KAZN: variants seen among roughly 807,000 people sequenced by gnomAD.
The protein encoded by KAZN is kazrin.
A neutral mutation model predicts 87.4 loss-of-function variants in KAZN; 40 were observed. The ratio of observed to expected loss-of-function variants is 0.46; its 90% confidence interval spans 0.36 to 0.60. The LOEUF (loss-of-function observed/expected upper bound fraction) is 0.60, where lower values mean the gene tolerates loss of function less well. Ranked by LOEUF, KAZN falls within the 20% of genes least tolerant of loss-of-function variation. KAZN has a pLI of 0.00. For missense variants in KAZN, 898 were observed against 1,073.9 expected (o/e 0.84, Z 2.29); for synonymous variants, 466 against 458.3 (o/e 1.02, Z -0.22).
rs370755082 is a variant in KAZN, at chr1:14,078,582, G to A, written c.92-101853G>A. Among the ~76,000 whole-genome samples, 22 of 152,306 alleles carry A rather than the reference G, an allele frequency of 1.4e-4. No homozygotes were observed. The East Asian group carries it at 2.7e-3, about 19-fold the overall frequency. ...CTGGGAAGTCCAGAGTTGGAACACCGGCAGATTGAGTGTCTGGTGAGGGCC... is the reference window on the plus strand; with the variant it reads ...CTGGGAAGTCCAGAGTTGGAACACCAGCAGATTGAGTGTCTGGTGAGGGCC... On this transcript the variant is annotated intron_variant, in intron 1 of 16. Transcript: ENST00000636203.
At chr1:14,419,105 A>C (rs1384998976) in intron 2 of KAZN, among the ~76,000 whole-genome samples, 2 of 152,212 alleles carry the variant, frequency 1.3e-5, no homozygotes, top group South Asian at 2.1e-4. Flanking sequence ...GAAAAAGTTT[A>C]TCTCTTGGTA....
At position 15,114,979 on chromosome 1, in the gene KAZN, C is replaced by T. The variant is rs889243497; in HGVS notation, c.*344C>T. 2.2e-5 allele frequency: 4 copies of T among 178,652 alleles called. No individual in the cohort carries two copies. Among genetic ancestry groups the T allele is most frequent in the Non-Finnish European group, 4.7e-5 (4 of 85,304 alleles). 11.1% of individuals were successfully genotyped at this position (178,652 alleles called of 1,614,324 possible). ...GCCAAGCAGTCCCTGGAGCCTTAAA[C>T]GGAGCTGCCAAGGTGGGAGGAGGCC... On this transcript the variant is annotated 3_prime_UTR_variant, in exon 15 of 15. Transcript: ENST00000376030.
chr1:14,006,228 T>C (rs890040685), intron 1 of KAZN, among the ~76,000 whole-genome samples: 1 of 152,226 alleles, frequency 6.6e-6, no homozygotes, highest in Non-Finnish European at 1.5e-5. Context: ...TTTGCATTGC[T>C]ATAAAGGAAT....
chr1:14,578,477 G>A (rs1675330664), intron 2 of KAZN, among the ~76,000 whole-genome samples: 1 of 152,124 alleles, frequency 6.6e-6, no homozygotes, highest in Non-Finnish European at 1.5e-5. Context: ...AAGATAAAAA[G>A]CAATCAGAAA....
intron 1 of KAZN, among the ~76,000 whole-genome samples, chr1:14,628,447 G>A (rs1266722828): frequency 6.6e-6 from 1 of 152,160 alleles, no homozygotes; most frequent in Non-Finnish European, 1.5e-5. Context: ...CATTAAATGT[G>A]AATTACACTG....
chr1:14,553,888 G>A (rs193000755), intron 2 of KAZN, among the ~76,000 whole-genome samples: 5 of 152,298 alleles, frequency 3.3e-5, no homozygotes, highest in East Asian at 1.9e-4. Flanking sequence ...GTCCAGCGTA[G>A]GTTCCGGGCA....
At chr1:14,779,130 G>T (rs559394081) in intron 1 of KAZN, among the ~76,000 whole-genome samples, 1 of 152,222 alleles carries the variant, frequency 6.6e-6, no homozygotes, top group East Asian at 1.9e-4. Context: ...GCGAGACAGG[G>T]CCCACCCAAA....
intron 13 of KAZN, among the ~76,000 whole-genome samples, chr1:15,111,103 G>A (rs2100749457): frequency 6.6e-6 from 1 of 152,300 alleles, no homozygotes; most frequent in Admixed American, 6.5e-5. Flanking sequence ...CCTGTTATGT[G>A]GAAGCCTGTG....
intron 1 of KAZN, among the ~76,000 whole-genome samples, chr1:14,115,102 G>A (rs942722668): frequency 6.6e-6 from 1 of 152,222 alleles, no homozygotes; most frequent in Admixed American, 6.5e-5. Flanking sequence ...ATCTTCCACA[G>A]TGCTGGAGGC....
intron 2 of KAZN, among the ~76,000 whole-genome samples, chr1:14,452,380 C>T (rs1222798802): frequency 6.6e-6 from 1 of 152,200 alleles, no homozygotes; most frequent in African/African-American, 2.4e-5. Flanking sequence ...CATCTCATTA[C>T]ACATCTAGTC....
chr1:14,130,141 C>T (rs1287607488), intron 1 of KAZN, among the ~76,000 whole-genome samples: 1 of 152,206 alleles, frequency 6.6e-6, no homozygotes, highest in Non-Finnish European at 1.5e-5. Context: ...TTAAAACCTT[C>T]TTTCCTTGGG....
At chr1:14,672,917 G>A (rs184124269) in intron 1 of KAZN, among the ~76,000 whole-genome samples, 110 of 152,308 alleles carry the variant, frequency 7.2e-4, no homozygotes, top group Middle Eastern at 3.4e-3. Context: ...TGAGCCACAA[G>A]CTTCTACCTC....
At chr1:14,851,343 G>A (rs1400356519) in intron 1 of KAZN, among the ~76,000 whole-genome samples, 1 of 152,182 alleles carries the variant, frequency 6.6e-6, no homozygotes, top group Non-Finnish European at 1.5e-5. Context: ...ACAGCTAGGG[G>A]CTCCCTTCTG....
intron 1 of KAZN, among the ~76,000 whole-genome samples, chr1:14,170,221 A>G (rs1366868911): frequency 6.6e-6 from 1 of 152,188 alleles, no homozygotes; most frequent in East Asian, 1.9e-4. Flanking sequence ...TGGTGGTTTT[A>G]TTCACAAATG....
intron 1 of KAZN, among the ~76,000 whole-genome samples, chr1:14,945,704 C>A (rs1437814627): frequency 2.0e-5 from 3 of 152,240 alleles, no homozygotes; most frequent in African/African-American, 7.2e-5. Context: ...TATTTTATTT[C>A]TTCCTGGAGC....
intron 1 of KAZN, among the ~76,000 whole-genome samples, chr1:14,124,721 G>A (rs1372284905): frequency 1.3e-5 from 2 of 152,162 alleles, no homozygotes; most frequent in Non-Finnish European, 2.9e-5. Context: ...TGGTGTGGAC[G>A]TTGCCTCTGA....
chr1:14,765,544 G>A (rs533607538), intron 1 of KAZN, among the ~76,000 whole-genome samples: 6 of 152,208 alleles, frequency 3.9e-5, no homozygotes, highest in Non-Finnish European at 8.8e-5. Flanking sequence ...GGAATTTGGT[G>A]TGCAGATGTA....
chr1:14,391,535 C>T (rs767222016), intron 2 of KAZN: 1 of 152,340 alleles, frequency 6.6e-6, no homozygotes, highest in Non-Finnish European at 1.5e-5. Context: ...TGCTCCTTCT[C>T]TCACGACCAC....
At chr1:14,398,331 C>T (rs935496794) in intron 2 of KAZN, among the ~76,000 whole-genome samples, 6 of 152,192 alleles carry the variant, frequency 3.9e-5, no homozygotes, top group African/African-American at 1.2e-4. Flanking sequence ...ATCCTGGCTC[C>T]GCCACTTACT....
Sources: gnomAD v4.1 joint callset for allele counts (sites outside exome capture counted in the v4.1 genomes callset) on GRCh38, gnomAD v4.1.1 for gene constraint, MANE v1.5 for transcripts, NCBI Gene and HGNC (gene_info 2026-07-23, HGNC 2026-07-21) for gene names.